The following ALDH3A2 variants were observed in gnomAD, a reference collection of about 807,000 sequenced individuals.
ALDH3A2 encodes the protein aldehyde dehydrogenase 3 family member A2, also known as aldehyde dehydrogenase family 3 member A2.
Under a neutral mutation model 51.3 loss-of-function variants are expected in ALDH3A2, and 36 were observed. The observed-to-expected ratio is 0.70, with a 90% CI of 0.54 to 0.93. The LOEUF is 0.93. ALDH3A2 is among the 40% of genes least tolerant of loss of function. The probability of loss-of-function intolerance (pLI) is 0.00; values close to 1 mark genes in which losing one functional copy is unlikely to be tolerated. For synonymous variants in ALDH3A2, 199 were observed against 219.8 expected (o/e 0.91, Z 0.84); for missense variants, 552 against 603.1 (o/e 0.92, Z 0.89).
chr17:19,664,212 T>C (rs2085005480), intron 7 of ALDH3A2, among the ~76,000 whole-genome samples: 2 of 152,226 alleles, frequency 1.3e-5, no homozygotes, highest in African/African-American at 4.8e-5. Flanking sequence ...GACTGGGTTA[T>C]TAACAAAACA....
rs1597553959 is a variant in ALDH3A2 at position 19,654,816 on chromosome 17, A to G, written c.472-1550A>G. Among the ~76,000 whole-genome samples the G allele has an allele frequency of 6.6e-6, 1 of 152,128 alleles. No individual in the cohort carries two copies. The highest frequency in any genetic ancestry group is 2.4e-5 in the African/African-American group (1 of 41,428). On this transcript the variant is annotated intron_variant, in intron 3 of 9. Coordinates refer to ENST00000176643, the MANE Select transcript of ALDH3A2 (RefSeq NM_000382.3). This position sits in a 1 kb window ranked among gnomAD's most constrained non-coding sequence, Gnocchi z 4.5. Reference sequence around the variant, plus strand: ...CTCAAGCGTGGCGAGAGTGGGTGCCAAGGCCAAGGAGGTGCTGAGAGCGAG... The same window carrying G: ...CTCAAGCGTGGCGAGAGTGGGTGCCGAGGCCAAGGAGGTGCTGAGAGCGAG...
chr17:19,653,544 T>C (rs2084848268), intron 3 of ALDH3A2, among the ~76,000 whole-genome samples: 1 of 152,126 alleles, frequency 6.6e-6, no homozygotes, highest in Middle Eastern at 3.4e-3. Flanking sequence ...TCGTGGTGAG[T>C]GTTACAGCTC....
intron 2 of ALDH3A2, among the ~76,000 whole-genome samples, chr17:19,652,236 C>T (rs59586098): frequency 2.6e-5 from 4 of 152,304 alleles, no homozygotes; most frequent in African/African-American, 9.6e-5. Context: ...GTTGAAATGG[C>T]TCACTTGCCC....
chr17:19,653,956 G>C (rs1852867371), intron 3 of ALDH3A2, among the ~76,000 whole-genome samples: 1 of 152,140 alleles, frequency 6.6e-6, no homozygotes, highest in Non-Finnish European at 1.5e-5. Flanking sequence ...CAATCCTCTA[G>C]CTAGACATAA....
At chr17:19,668,082 C>T (rs2085063840) in intron 8 of ALDH3A2, among the ~76,000 whole-genome samples, 1 of 152,060 alleles carries the variant, frequency 6.6e-6, no homozygotes, top group Admixed American at 6.6e-5. Flanking sequence ...TTTTACCACT[C>T]TCATGAATTT....
intron 1 of ALDH3A2, 96 bp downstream of exon 1, chr17:19,649,220 C>A (rs2084781000): frequency 6.8e-7 from 1 of 1,466,222 alleles, no homozygotes; most frequent in Non-Finnish European, 9.2e-7. Context: ...TTTTACATTT[C>A]GGATTACTCC....
chr17:19,664,882 G>T (rs2085013873), intron 7 of ALDH3A2, 66 bp from the exon 8 acceptor site: 19 of 1,081,652 alleles, frequency 1.8e-5, no homozygotes, highest in South Asian at 1.8e-4. Flanking sequence ...CCCTCTGTGT[G>T]GTGGGGCCAT....
chr17:19,657,696 TTGACTGAA>T (rs767994960), intron 4 of ALDH3A2, 41 bp from the exon 5 acceptor site: 7 of 1,223,798 alleles, frequency 5.7e-6, no homozygotes, highest in Non-Finnish European at 7.1e-6. Context: ...AAATGAATAT[TTGACTGAA>T]TTACTGAATT....
At position 19,651,738 on chromosome 17, in the gene ALDH3A2, C is replaced by A. The variant is rs201390270; in HGVS notation, c.345C>A (p.Phe115Leu). 2 of 1,614,206 alleles carry A rather than the reference C, an allele frequency of 1.2e-6. No individual in the cohort carries two copies. The highest frequency in any genetic ancestry group is 1.7e-6 in the Non-Finnish European group (2 of 1,180,046). Reference sequence around the variant, plus strand: ...TAATCGGAGCTTGGAATTACCCCTTCGTTCTCACCATTCAGCCACTGATAG... The same window carrying A: ...TAATCGGAGCTTGGAATTACCCCTTAGTTCTCACCATTCAGCCACTGATAG... ...VLIIGAWNYPFVLTIQPLIGA... is the reference protein window; with the variant it reads ...VLIIGAWNYPLVLTIQPLIGA... Residue 115 changes from phenylalanine (F) to leucine (L), a missense_variant, in exon 2 of 10, where the codon TTC becomes TTA. Coordinates refer to ENST00000176643, the MANE Select transcript of ALDH3A2 (RefSeq NM_000382.3).
At position 19,648,918 on chromosome 17, in the gene ALDH3A2, C is replaced by A. The variant is rs1365231364; in HGVS notation, c.-54C>A. ...GCGAGGCCTGCACCTGCATGCTTCC[C>A]GCCTCCCACTCCCCAGCGCCCCCGG... On this transcript the variant is annotated 5_prime_UTR_variant, in exon 1 of 10. Transcript: ENST00000176643. 42 of 1,539,320 alleles carry A rather than the reference C, an allele frequency of 2.7e-5. No homozygotes were observed. Among genetic ancestry groups the A allele is most frequent in the Non-Finnish European group, 2.9e-5 (33 of 1,141,528 alleles).
chr17:19,653,398 C>T (rs1276949671), intron 3 of ALDH3A2, among the ~76,000 whole-genome samples: 2 of 152,082 alleles, frequency 1.3e-5, no homozygotes, highest in African/African-American at 4.8e-5. Flanking sequence ...AAGCCGCGGA[C>T]CCTTGCAGTG....
At position 19,656,464 on chromosome 17, in the gene ALDH3A2, C is replaced by CA. The variant is rs772967175; in HGVS notation, c.574dup (p.Ile192AsnfsTer16). 2 of 1,614,128 alleles carry CA rather than the reference C, an allele frequency of 1.2e-6. No individual in the cohort carries two copies. Among genetic ancestry groups the CA allele is most frequent in the Non-Finnish European group, 1.7e-6 (2 of 1,180,032 alleles). ...TCTATACGGGAAACACTGCGGTTGG[C>CA]AAAATTGTCATGGAAGCTGCTGCCA... On this transcript the variant is annotated frameshift_variant, in exon 4 of 10. Transcript: ENST00000176643. LOFTEE classifies it high-confidence loss of function.
chr17:19,671,272 T>C (rs1429834201), intron 8 of ALDH3A2, among the ~76,000 whole-genome samples: 4 of 152,156 alleles, frequency 2.6e-5, no homozygotes, highest in African/African-American at 7.2e-5. Context: ...AGAGAGCACA[T>C]ATAGCATTTA....
rs975964433 is a variant in ALDH3A2 at position 19,676,375 on chromosome 17, C to G, written c.*803C>G. ...ACTGGCATTTAAAAAATACTGTGGCCGGGCGTGGTGGCTCATGCCTGTAAT... is the reference window on the plus strand; with the variant it reads ...ACTGGCATTTAAAAAATACTGTGGCGGGGCGTGGTGGCTCATGCCTGTAAT... On this transcript the variant is annotated 3_prime_UTR_variant, in exon 10 of 10. Transcript: ENST00000176643. The G allele has an allele frequency of 6.6e-6, 1 of 152,208 alleles. No homozygotes were observed. Among genetic ancestry groups the G allele is most frequent in the East Asian group, 1.9e-4 (1 of 5,190 alleles). The allele number at this position is 152,208 out of a possible 1,614,324, so 9.4% of individuals were successfully genotyped here. A position where few individuals can be genotyped will look rare whatever the true frequency, so the allele number is the denominator to read the frequency against.
rs2085192992 is a variant in ALDH3A2 at position 19,676,560 on chromosome 17, G to A, written c.*988G>A. The A allele has an allele frequency of 6.6e-6, 1 of 152,216 alleles. No individual in the cohort carries two copies. Among genetic ancestry groups the A allele is most frequent in the Non-Finnish European group, 1.5e-5 (1 of 68,064 alleles). The allele number at this position is 152,216 out of a possible 1,614,324, so 9.4% of individuals were successfully genotyped here. A position where few individuals can be genotyped will look rare whatever the true frequency, so the allele number is the denominator to read the frequency against. ...CCCAGCTGCTTAGGAGGCTGAAGCA[G>A]GAGGATTGATTGAGCCTGCGAGGCC... is the stretch of plus-strand genomic sequence containing the variant. On this transcript the variant is annotated 3_prime_UTR_variant, in exon 10 of 10. Coordinates refer to ENST00000176643, the MANE Select transcript of ALDH3A2 (RefSeq NM_000382.3).
chr17:19,651,470 G>A (rs2084813187), intron 1 of ALDH3A2, 77 bp from the exon 2 acceptor site: 2 of 1,191,742 alleles, frequency 1.7e-6, no homozygotes, highest in South Asian at 2.4e-5. Flanking sequence ...AGGTGTACCT[G>A]GTGTGAGTGT....
chr17:19,664,671 T>C (rs1431810992), intron 7 of ALDH3A2, among the ~76,000 whole-genome samples: 1 of 152,208 alleles, frequency 6.6e-6, no homozygotes, highest in African/African-American at 2.4e-5. Context: ...CAACTCCAGG[T>C]TGTGGCTGAG....
At chr17:19,649,380 T>C in intron 1 of ALDH3A2, 1 of 515,694 alleles carries the variant, frequency 1.9e-6, no homozygotes, top group South Asian at 2.8e-5. Flanking sequence ...TCTGTTACAT[T>C]TGTGGTTCTT....
At chr17:19,650,298 A>G (rs2084797513) in intron 1 of ALDH3A2, among the ~76,000 whole-genome samples, 1 of 150,436 alleles carries the variant, frequency 6.6e-6, no homozygotes, top group Admixed American at 6.6e-5. Context: ...TTTTTTTTTA[A>G]ACGGACAGGG....
Sources: allele counts gnomAD v4.1 joint callset (sites outside exome capture counted in the v4.1 genomes callset), GRCh38; gene constraint gnomAD v4.1.1; non-coding constraint Gnocchi (gnomAD v3.1); transcripts MANE v1.5; gene names NCBI Gene and HGNC (gene_info 2026-07-23, HGNC 2026-07-21).